The following COPE variants were observed in gnomAD, a reference collection of about 807,000 sequenced individuals.
The protein encoded by COPE is coat protein complex I subunit epsilon, also known as coatomer subunit epsilon.
A neutral mutation model predicts 42.1 loss-of-function variants in COPE; 19 were observed. The observed-to-expected ratio is 0.45, with a 90% CI of 0.31 to 0.66. The LOEUF (loss-of-function observed/expected upper bound fraction) is 0.66. COPE is among the 30% of genes least tolerant of loss of function. The pLI is 0.05. For missense variants in COPE, 402 were observed against 416.1 expected, an observed-to-expected ratio of 0.97 and a Z score of 0.30; for synonymous variants, 195 against 181.3, an observed-to-expected ratio of 1.08 and a Z score of -0.60.
In COPE at chr19:18,899,534, TTGAGA is replaced by T. The variant is rs1411063187; in HGVS notation, c.*140_*144del. The stretch of plus-strand genomic sequence containing the variant: ...CATCATCAGGTGGAACACCCTGGAG[TTGAGA>T]TATTTATTAACAGATGGGGGTGCTG... On this transcript the variant is annotated 3_prime_UTR_variant, in exon 10 of 10. Coordinates refer to ENST00000262812, the MANE Select transcript of COPE (RefSeq NM_007263.4). The T allele has an allele frequency of 4.1e-6, 3 of 730,114 alleles. No homozygotes were observed. Among genetic ancestry groups the T allele is most frequent in the Non-Finnish European group, 6.9e-6 (3 of 431,928 alleles). The allele number at this position is 730,114 out of a possible 1,614,324, so 45.2% of individuals were successfully genotyped here.
chr19:18,918,697 A>G (rs1236200798), intron 1 of COPE, among the ~76,000 whole-genome samples: 1 of 152,198 alleles, frequency 6.6e-6, no homozygotes, highest in Non-Finnish European at 1.5e-5. Context: ...CCAAAGCGCC[A>G]GAATTACAGG....
intron 2 of COPE, among the ~76,000 whole-genome samples, chr19:18,911,851 C>CTTTT (rs537294392): frequency 2.2e-5 from 3 of 136,358 alleles, no homozygotes; most frequent in Admixed American, 7.4e-5. Flanking sequence ...CACGCCCGGC[C>CTTTT]TTTTTTTTTT....
At chr19:18,904,680 G>A (rs1467227677) in intron 6 of COPE, 91 bp downstream of exon 6, 2 of 1,132,180 alleles carry the variant, frequency 1.8e-6, no homozygotes, top group Non-Finnish European at 2.6e-6. Flanking sequence ...CCACTGGAGT[G>A]GCCAGCAGCC....
intron 1 of COPE, among the ~76,000 whole-genome samples, chr19:18,916,151 C>T (rs1429896290): frequency 6.6e-6 from 1 of 152,108 alleles, no homozygotes; most frequent in African/African-American, 2.4e-5. Context: ...TGCCACTACA[C>T]TCCAGCCTGG....
At chr19:18,908,618 G>A (rs959251893) in intron 3 of COPE, among the ~76,000 whole-genome samples, 1 of 150,354 alleles carries the variant, frequency 6.7e-6, no homozygotes, top group Non-Finnish European at 1.5e-5. Flanking sequence ...CCGGGTTCAT[G>A]CCATTCTCCC....
chr19:18,903,199 C>A, intron 7 of COPE, 69 bp downstream of exon 7: 1 of 1,446,626 alleles, frequency 6.9e-7, no homozygotes. Flanking sequence ...TGTTTCTGTC[C>A]GCCCTGACCC....
intron 3 of COPE, among the ~76,000 whole-genome samples, chr19:18,908,867 G>A (rs924358046): frequency 6.6e-6 from 1 of 152,024 alleles, no homozygotes; most frequent in African/African-American, 2.4e-5. Flanking sequence ...GCATGGTGAT[G>A]CGTGCCTGTA....
Position 18,899,561 on chromosome 19 carries a change from G to A in COPE, c.*118C>T. On this transcript the variant is annotated 3_prime_UTR_variant, in exon 10 of 10. Transcript: ENST00000262812. ...GAGATATTTATTAACAGATGGGGGTGCTGGGGGTGGGCTCCTGCCCCCAGA... is the reference window on the plus strand; with the variant it reads ...GAGATATTTATTAACAGATGGGGGTACTGGGGGTGGGCTCCTGCCCCCAGA... The A allele has an allele frequency of 2.1e-6, 2 of 939,506 alleles. No individual in the cohort carries two copies. The highest frequency in any genetic ancestry group is 3.4e-6 in the Non-Finnish European group (2 of 595,956). 58.2% of individuals were successfully genotyped at this position (939,506 alleles called of 1,614,324 possible).
chr19:18,917,243 T>TTTC (rs1555711567), intron 1 of COPE, among the ~76,000 whole-genome samples: 1 of 101,680 alleles, frequency 9.8e-6, no homozygotes, highest in Admixed American at 8.8e-5. Context: ...CTTTTTTTCT[T>TTTC]TTTTTTTTTT....
intron 7 of COPE, among the ~76,000 whole-genome samples, chr19:18,902,476 C>A (rs1568314341): frequency 6.7e-6 from 1 of 149,130 alleles, no homozygotes; most frequent in Non-Finnish European, 1.5e-5. Flanking sequence ...ACCAGCCTGA[C>A]CAACATGGCA....
chr19:18,904,828 G>T lies in COPE; in HGVS notation c.522C>A (p.Asp174Glu). Residue 174 changes from aspartate (D) to glutamate (E), a missense_variant, in exon 6 of 10, where the codon GAC becomes GAA. Physicochemically the swap from Asp to Glu is conservative, Grantham distance 45. Coordinates refer to ENST00000262812, the MANE Select transcript of COPE (RefSeq NM_007263.4). ...LARKELKRMQ[D>E]LDEDATLTQL... is the part of the protein sequence containing the mutation. ...GGGTGAGGGTGGCATCCTCGTCCAG[G>T]TCCTGCATTCTCTTCAGCTCCTTCC... The T allele has an allele frequency of 6.4e-7, 1 of 1,555,742 alleles. No homozygotes were observed. Among genetic ancestry groups the T allele is most frequent in the Non-Finnish European group, 8.7e-7 (1 of 1,149,358 alleles).
chr19:18,912,416 T>C (rs1164143113), intron 2 of COPE, among the ~76,000 whole-genome samples: 1 of 151,276 alleles, frequency 6.6e-6, no homozygotes. Context: ...CTCCCAAAGA[T>C]TACAGGTGTG....
chr19:18,900,320 C>T (rs2056685814), intron 8 of COPE, 61 bp downstream of exon 8: 26 of 1,400,136 alleles, frequency 1.9e-5, no homozygotes, highest in Non-Finnish European at 2.4e-5. Flanking sequence ...GGCCTGGACC[C>T]CAGGCTGGGG....
chr19:18,910,860 T>A, intron 3 of COPE, 111 bp downstream of exon 3: 2 of 914,804 alleles, frequency 2.2e-6, no homozygotes, highest in Non-Finnish European at 3.5e-6. Flanking sequence ...AGGCGCCTAA[T>A]CTGAGGGATG....
intron 5 of COPE, 108 bp downstream of exon 5, chr19:18,905,468 G>C (rs1287697385): frequency 8.7e-7 from 1 of 1,154,604 alleles, no homozygotes; most frequent in African/African-American, 1.6e-5. Context: ...GGAAAGGAAA[G>C]ACAACAAGAG....
chr19:18,902,789 G>A lies in COPE; in HGVS notation c.735+479C>T, dbSNP rs368348575. On this transcript the variant is annotated intron_variant, in intron 7 of 9. Coordinates refer to ENST00000262812, the MANE Select transcript of COPE (RefSeq NM_007263.4). ...GAAGGGAAAGAAGGAAGGAAGGAAG[G>A]AAGGAAGGAAGGAAGGAAGGAAGGA... is the stretch of plus-strand genomic sequence containing the variant. 1.4e-4 allele frequency among the ~76,000 whole-genome samples: 4 copies of A among 28,384 alleles called. 1 individual carries two copies. The Admixed American group carries it at 2.1e-3, about 15-fold the overall frequency. The allele number at this position is 28,384 out of a possible 152,430, so 18.6% of individuals were successfully genotyped here.
In COPE at chr19:18,902,820, G is replaced by A. The variant is rs867368313; in HGVS notation, c.735+448C>T. On this transcript the variant is annotated intron_variant, in intron 7 of 9. Coordinates refer to ENST00000262812, the MANE Select transcript of COPE (RefSeq NM_007263.4). Reference sequence around the variant, plus strand: ...AGGAAGGAAGGAAGGAAGGAAGGAAGGAAGGAAGAAAAGACTGCAGACATC... The same window carrying A: ...AGGAAGGAAGGAAGGAAGGAAGGAAAGAAGGAAGAAAAGACTGCAGACATC... 1.4e-4 allele frequency among the ~76,000 whole-genome samples: 12 copies of A among 83,364 alleles called. 2 individuals are homozygous for A. Among genetic ancestry groups the A allele is most frequent in the African/African-American group, 6.1e-4 (5 of 8,240 alleles). 54.7% of individuals were successfully genotyped at this position (83,364 alleles called of 152,430 possible).
In COPE at chr19:18,919,305, T is replaced by A. The variant is rs1481659027; in HGVS notation, c.44A>T (p.Glu15Val). 6.2e-6 allele frequency: 10 copies of A among 1,613,554 alleles called. No homozygotes were observed. The highest frequency in any genetic ancestry group is 7.6e-6 in the Non-Finnish European group (9 of 1,179,978). The change falls in exon 1 of 10, where the codon GAG becomes GTG. Residue 15 changes from glutamate (E) to valine (V), a missense_variant. Transcript: ENST00000262812. ...APGPASGGSG[E>V]VDELFDVKNA... is the part of the protein sequence containing the mutation. ...CTTTACGTCGAACAGCTCGTCTACCTCCCCGGAGCCGCCGGAGGCCGGGCC... is the reference window on the plus strand; with the variant it reads ...CTTTACGTCGAACAGCTCGTCTACCACCCCGGAGCCGCCGGAGGCCGGGCC...
chr19:18,910,703 C>T (rs2145072911), intron 3 of COPE: 1 of 524,218 alleles, frequency 1.9e-6, no homozygotes, highest in African/African-American at 1.9e-5. Context: ...GTTCTAGGTT[C>T]AGAGAGTGCC....
Sources: allele counts gnomAD v4.1 joint callset (sites outside exome capture counted in the v4.1 genomes callset), GRCh38; gene constraint gnomAD v4.1.1; transcripts MANE v1.5; gene names NCBI Gene and HGNC (gene_info 2026-07-23, HGNC 2026-07-21).